The following PCNX2 variants were observed in gnomAD, a reference collection of about 807,000 sequenced individuals.
The protein encoded by PCNX2 is pecanex-like protein 2.
Under a neutral mutation model 223.8 loss-of-function variants are expected in PCNX2, and 168 were observed. That is an observed-to-expected ratio of 0.75 (90% confidence interval 0.66 to 0.85). The LOEUF (loss-of-function observed/expected upper bound fraction) is 0.85, where lower values mean the gene tolerates loss of function less well. Ranked by LOEUF, PCNX2 falls within the 40% of genes least tolerant of loss-of-function variation. PCNX2 has a pLI of 0.00. For missense variants in PCNX2, 2,507 were observed against 2,675.5 expected (o/e 0.94, Z 1.39); for synonymous variants, 1,006 against 1,052.6 (o/e 0.96, Z 0.86).
chr1:233,085,491 A>C (rs1404705703), intron 23 of PCNX2, among the ~76,000 whole-genome samples: 1 of 152,178 alleles, frequency 6.6e-6, no homozygotes, highest in African/African-American at 2.4e-5. Flanking sequence ...ATTTTTCCAA[A>C]CATGACTGCT....
intron 23 of PCNX2, chr1:233,065,342 A>C (rs1253960289): frequency 6.6e-6 from 1 of 152,240 alleles, no homozygotes; most frequent in Non-Finnish European, 1.5e-5. Context: ...CTGCAATGAA[A>C]GAATACCCTA....
chr1:233,084,523 C>T (rs905924150), intron 23 of PCNX2, among the ~76,000 whole-genome samples: 3 of 152,174 alleles, frequency 2.0e-5, no homozygotes, highest in Non-Finnish European at 4.4e-5. Flanking sequence ...TTTCATCTAG[C>T]GCTGTAGGTC....
Position 233,253,129 on chromosome 1 carries a change from A to G in PCNX2, c.1835-341T>C, listed in dbSNP as rs548306473. Among the ~76,000 whole-genome samples, 34 of 152,342 alleles carry G rather than the reference A, an allele frequency of 2.2e-4. No individual in the cohort carries two copies. The highest frequency in any genetic ancestry group is 6.8e-3 in the Middle Eastern group (2 of 294). On this transcript the variant is annotated intron_variant, in intron 5 of 33. Coordinates refer to ENST00000258229, the MANE Select transcript of PCNX2 (RefSeq NM_014801.4). The surrounding 1 kb of genome is among the most constrained non-coding windows in gnomAD (Gnocchi z 4.2). ...TAGGTTACATAGGTCTGAAAGGTTC[A>G]TATCTCATAAATGAATAACTTCAGA... is the stretch of plus-strand genomic sequence containing the variant.
At chr1:233,304,264 G>A in the PCNX2 span, among the ~76,000 whole-genome samples, 3 of 152,116 alleles carry the variant, frequency 2.0e-5, no homozygotes, top group African/African-American at 4.8e-5. Flanking sequence ...ATTATTTTGT[G>A]TAGCAGTTAG....
intron 16 of PCNX2, among the ~76,000 whole-genome samples, chr1:233,178,859 C>T (rs1679635563): frequency 6.6e-6 from 1 of 152,154 alleles, no homozygotes; most frequent in South Asian, 2.1e-4. Context: ...AAAATGTTTG[C>T]TAGATGTTCA....
intron 25 of PCNX2, among the ~76,000 whole-genome samples, chr1:233,048,795 A>G (rs1285906759): frequency 6.6e-6 from 1 of 152,198 alleles, no homozygotes; most frequent in Non-Finnish European, 1.5e-5. Context: ...GATCCAAATA[A>G]GCACAATCAA....
chr1:233,080,026 C>T (rs2102920154), intron 23 of PCNX2, among the ~76,000 whole-genome samples: 1 of 152,282 alleles, frequency 6.6e-6, no homozygotes, highest in South Asian at 2.1e-4. Flanking sequence ...TTCCCACTTG[C>T]CTGTGCCCTA....
chr1:233,074,618 AAAAAAG>A (rs1673011640), intron 23 of PCNX2, among the ~76,000 whole-genome samples: 1 of 142,998 alleles, frequency 7.0e-6, no homozygotes, highest in African/African-American at 2.7e-5. Flanking sequence ...AAAAAAAAAA[AAAAAAG>A]AGGACGAAAA....
intron 5 of PCNX2, among the ~76,000 whole-genome samples, chr1:233,256,381 T>A (rs1027412225): frequency 6.6e-6 from 1 of 152,174 alleles, no homozygotes; most frequent in African/African-American, 2.4e-5. Flanking sequence ...ATGGATTTGA[T>A]CAATTGTCCA....
At chr1:233,234,037 C>T (rs530043495) in intron 9 of PCNX2, among the ~76,000 whole-genome samples, 1 of 152,266 alleles carries the variant, frequency 6.6e-6, no homozygotes, top group South Asian at 2.1e-4. Flanking sequence ...CCCACACCAC[C>T]AGAGCCTATT....
intron 1 of PCNX2, chr1:233,292,037 CTAAT>C: frequency 1.0e-6 from 1 of 967,230 alleles, no homozygotes; most frequent in Non-Finnish European, 1.2e-6. Flanking sequence ...TTTATAAATG[CTAAT>C]TAATCACTAT....
chr1:233,029,013 T>C (rs1671178185), intron 25 of PCNX2, among the ~76,000 whole-genome samples: 1 of 152,004 alleles, frequency 6.6e-6, no homozygotes, highest in Admixed American at 6.6e-5. Flanking sequence ...TAATTTTTCA[T>C]ATTTTTAGTA....
intron 28 of PCNX2, among the ~76,000 whole-genome samples, chr1:233,007,687 G>A (rs2102806984): frequency 6.6e-6 from 1 of 152,206 alleles, no homozygotes; most frequent in Non-Finnish European, 1.5e-5. Context: ...ACAGGCACCT[G>A]CCACCATGCC....
chr1:233,268,926 G>C lies in PCNX2; in HGVS notation c.154-5763C>G, dbSNP rs74147342. On this transcript the variant is annotated intron_variant, in intron 1 of 33. Coordinates refer to ENST00000258229, the MANE Select transcript of PCNX2 (RefSeq NM_014801.4). ...GGTTGGGCCAAGAAGGTGTGTCTGG[G>C]TGGCTCCTATACTGCAAGGCCTCCA... Among the ~76,000 whole-genome samples the C allele has an allele frequency of 4.3e-3, 649 of 152,258 alleles. 3 individuals are homozygous for C. Among genetic ancestry groups the C allele is most frequent in the African/African-American group, 0.015 (627 of 41,538 alleles).
chr1:233,236,970 C>T lies in PCNX2; in HGVS notation c.2233G>A (p.Val745Ile). ...DCLSQAREMQ[V>I]SSSSTTTSES... The stretch of plus-strand genomic sequence containing the variant: ...GAAGTTGTGGTACTGGAGGAGCTGA[C>T]CTGCATCTCTCTGAGGATGGGCAAA... The change falls in exon 9 of 34, where the codon GTC (valine) becomes ATC (isoleucine). Residue 745 changes from valine to isoleucine, a missense_variant. Physicochemically the swap from Val to Ile is conservative, Grantham distance 29. Transcript: ENST00000258229. 1.9e-6 allele frequency: 3 copies of T among 1,613,908 alleles called. No individual in the cohort carries two copies. Among genetic ancestry groups the T allele is most frequent in the Admixed American group, 3.3e-5 (2 of 60,020 alleles).
At chr1:233,252,539 T>C (rs753825104) in intron 6 of PCNX2, 40 bp from the exon 7 acceptor site, 5 of 1,589,014 alleles carry the variant, frequency 3.1e-6, no homozygotes, top group Middle Eastern at 1.7e-4. Context: ...TGATTAGAAG[T>C]TCCTCCTTAT....
intron 1 of PCNX2, among the ~76,000 whole-genome samples, chr1:233,292,236 T>C (rs1343410480): frequency 6.8e-6 from 1 of 146,662 alleles, no homozygotes; most frequent in Admixed American, 6.8e-5. Context: ...AGATGGAGTT[T>C]TGCTCTGTCA....
At chr1:233,292,976 A>C (rs1004527282) in intron 1 of PCNX2, among the ~76,000 whole-genome samples, 1 of 152,176 alleles carries the variant, frequency 6.6e-6, no homozygotes, top group African/African-American at 2.4e-5. Context: ...AAGGTCTCAG[A>C]CTTTACTTTC....
At chr1:233,186,628 A>G (rs966367100) in intron 15 of PCNX2, among the ~76,000 whole-genome samples, 1 of 152,336 alleles carries the variant, frequency 6.6e-6, no homozygotes, top group South Asian at 2.1e-4. Context: ...TTATAGGTCA[A>G]TATGTGTCCC....
Sources: gnomAD v4.1 joint callset for allele counts (sites outside exome capture counted in the v4.1 genomes callset) on GRCh38, gnomAD v4.1.1 for gene constraint, Gnocchi (gnomAD v3.1) non-coding constraint, MANE v1.5 for transcripts, NCBI Gene and HGNC (gene_info 2026-07-23, HGNC 2026-07-21) for gene names.